The following TSPAN1 variants were observed in gnomAD, a reference collection of about 807,000 sequenced individuals.
TSPAN1 encodes the protein tetraspanin-1.
A neutral mutation model predicts 26.9 loss-of-function variants in TSPAN1; 23 were observed. The observed-to-expected ratio is 0.85, with a 90% CI of 0.62 to 1.21. The LOEUF (loss-of-function observed/expected upper bound fraction) is 1.21. Ranked by LOEUF, TSPAN1 falls within the 50% of genes most tolerant of loss-of-function variation. The pLI, the probability that TSPAN1 is intolerant of heterozygous loss-of-function variation, is 0.00. For missense variants in TSPAN1, 283 were observed against 298.4 expected (o/e 0.95, Z 0.38); for synonymous variants, 115 against 114.8 (o/e 1.00, Z -0.01).
At chr1:46,189,410 G>A (rs1400692947), downstream of TSPAN1, 2 of 1,613,668 alleles carry the variant, frequency 1.2e-6, no homozygotes, top group African/African-American at 2.7e-5. Flanking sequence ...CTATATCCCT[G>A]GATCTCACTA....
the TSPAN1 span, chr1:46,193,577 T>G: frequency 6.2e-7 from 1 of 1,614,164 alleles, no homozygotes; most frequent in Non-Finnish European, 8.5e-7. Context: ...ATAGTAGCCG[T>G]CAATGAAAAC....
the TSPAN1 span, chr1:46,191,017 T>G: frequency 2.0e-6 from 1 of 509,832 alleles, no homozygotes; most frequent in Non-Finnish European, 3.7e-6. Flanking sequence ...CAGCTCACAC[T>G]ACTGCACCAC....
downstream of TSPAN1, chr1:46,189,486 T>C (rs6659553): frequency 0.99 from 1,598,025 of 1,613,718 alleles, 792,524 homozygotes; most frequent in East Asian, 1. Flanking sequence ...ACCCCCACCA[T>C]CAGGAAGTGG....
chr1:46,196,460 T>C, the TSPAN1 span, among the ~76,000 whole-genome samples: 1 of 152,240 alleles, frequency 6.6e-6, no homozygotes, highest in Admixed American at 6.5e-5. This position sits in a 1 kb window ranked among gnomAD's most constrained non-coding sequence, Gnocchi z 4.4. Flanking sequence ...AGGGGATGGT[T>C]ATAAAATAAA....
At chr1:46,185,416 G>A in intron 8 of TSPAN1, 70 bp from the exon 9 acceptor site, 1 of 1,609,154 alleles carries the variant, frequency 6.2e-7, no homozygotes, top group Admixed American at 1.7e-5. Flanking sequence ...GCCTCAGGTA[G>A]GGTGTCTGTG....
the TSPAN1 span, chr1:46,194,598 C>A: frequency 6.2e-7 from 1 of 1,614,170 alleles, no homozygotes; most frequent in Non-Finnish European, 8.5e-7. Flanking sequence ...AGGACTGGGT[C>A]CCCCCAGGAA....
chr1:46,177,335 CA>C (rs200620983), intron 1 of TSPAN1, among the ~76,000 whole-genome samples: 23,526 of 137,766 alleles, frequency 0.17, 1,959 homozygotes, highest in South Asian at 0.36. Context: ...AACTCTGTCT[CA>C]AAAAAAAAAA....
chr1:46,186,352 C>T (rs1012445687), downstream of TSPAN1, among the ~76,000 whole-genome samples: 2 of 152,148 alleles, frequency 1.3e-5, no homozygotes, highest in African/African-American at 2.4e-5. Context: ...TCCTAGGGTC[C>T]AGGCTGCCTG....
At chr1:46,182,849 C>G (rs1657344738) in intron 3 of TSPAN1, among the ~76,000 whole-genome samples, 1 of 152,052 alleles carries the variant, frequency 6.6e-6, no homozygotes, top group African/African-American at 2.4e-5. Context: ...TGCTTTGTCA[C>G]CAAAGCTGGA....
downstream of TSPAN1, chr1:46,190,822 T>C: frequency 2.6e-6 from 4 of 1,560,570 alleles, no homozygotes; most frequent in Non-Finnish European, 3.5e-6. Context: ...GCACCTCACA[T>C]TGTCTGGCCC....
chr1:46,183,049 A>C (rs1657349083), intron 3 of TSPAN1, among the ~76,000 whole-genome samples: 1 of 152,076 alleles, frequency 6.6e-6, no homozygotes, highest in Non-Finnish European at 1.5e-5. Flanking sequence ...TCCTGGACTT[A>C]AGTGATTCTC....
intron 1 of TSPAN1, chr1:46,176,416 T>C: frequency 2.6e-6 from 4 of 1,535,684 alleles, no homozygotes; most frequent in Admixed American, 2.0e-5. Context: ...TGGCCTGCGG[T>C]AGGGGGAACG....
downstream of TSPAN1, chr1:46,190,577 C>T (rs937531263): frequency 1.6e-5 from 24 of 1,540,252 alleles, no homozygotes; most frequent in Non-Finnish European, 2.1e-5. Flanking sequence ...CCATGGGTAG[C>T]ACTGAGCAGG....
the TSPAN1 span, chr1:46,194,424 A>G: frequency 6.2e-7 from 1 of 1,614,178 alleles, no homozygotes. Flanking sequence ...TGCGGTTGTC[A>G]TGGAGGCATG....
chr1:46,192,460 G>T, the TSPAN1 span: 1 of 1,614,162 alleles, frequency 6.2e-7, no homozygotes, highest in East Asian at 2.2e-5. Flanking sequence ...GCCATAGTGG[G>T]AGGTATTAGC....
chr1:46,194,044 A>C, the TSPAN1 span: 2 of 1,556,048 alleles, frequency 1.3e-6, no homozygotes, highest in South Asian at 2.4e-5. Context: ...GAAGGGATAG[A>C]GGATCTTCCC....
Position 46,185,052 on chromosome 1 carries a change from C to T in TSPAN1, c.531C>T (p.Asp177=), listed in dbSNP as rs751217619. 1.9e-6 allele frequency: 3 copies of T among 1,614,174 alleles called. No homozygotes were observed. The highest frequency in any genetic ancestry group is 1.1e-5 in the South Asian group (1 of 91,078). The change falls in exon 7 of 9, where the codon GAC becomes GAT. Residue 177 remains aspartate, a synonymous_variant. Transcript: ENST00000372003. The part of the protein sequence containing the change: ...NSAFPPFCCN[D]NVTNTANETC... Reference sequence around the variant, plus strand: ...CCTTTCCCCCATTCTGTTGCAATGACAACGTCACCAACACAGCCAATGAAA... The same window carrying T: ...CCTTTCCCCCATTCTGTTGCAATGATAACGTCACCAACACAGCCAATGAAA...
the TSPAN1 span, chr1:46,192,836 C>T: frequency 6.2e-7 from 1 of 1,608,230 alleles, no homozygotes; most frequent in Non-Finnish European, 8.5e-7. Context: ...CTCTCTAGGA[C>T]ACCTCACTGA....
At chr1:46,196,105 C>G in the TSPAN1 span, 1 of 1,613,658 alleles carries the variant, frequency 6.2e-7, no homozygotes, top group Non-Finnish European at 8.5e-7. The surrounding 1 kb of genome is among the most constrained non-coding windows in gnomAD (Gnocchi z 4.4). Flanking sequence ...CAAAGTCCAG[C>G]TTTTCACTCT....
Sources: allele counts gnomAD v4.1 joint callset (sites outside exome capture counted in the v4.1 genomes callset), GRCh38; gene constraint gnomAD v4.1.1; non-coding constraint Gnocchi (gnomAD v3.1); transcripts MANE v1.5; gene names NCBI Gene and HGNC (gene_info 2026-07-23, HGNC 2026-07-21).